Variants in NEMP2 observed in about 807,000 individuals in gnomAD.
NEMP2 encodes the protein UPF0571 transmembrane protein.
Under a neutral mutation model 54.2 loss-of-function variants are expected in NEMP2, and 53 were observed. That is an observed-to-expected ratio of 0.98 (90% CI 0.78 to 1.23). The LOEUF is 1.23. NEMP2 is among the 50% of genes most tolerant of loss of function. NEMP2 has a pLI of 0.00. For synonymous variants in NEMP2, 197 were observed against 190.3 expected (o/e 1.04, Z -0.29); for missense variants, 455 against 511.3 (o/e 0.89, Z 1.06).
the NEMP2 span, among the ~76,000 whole-genome samples, chr2:190,579,129 G>C: frequency 2.0e-5 from 3 of 151,958 alleles, no homozygotes; most frequent in Non-Finnish European, 4.4e-5. Flanking sequence ...GTCTTGGTTT[G>C]TGTGTGTGTG....
chr2:190,482,611 G>A, the NEMP2 span, among the ~76,000 whole-genome samples: 1 of 152,036 alleles, frequency 6.6e-6, no homozygotes, highest in South Asian at 2.1e-4. Context: ...CCATTATAAT[G>A]TGATTTCCCC....
the NEMP2 span, among the ~76,000 whole-genome samples, chr2:190,450,646 C>CTTGGGAGG: frequency 6.6e-6 from 1 of 151,880 alleles, no homozygotes; most frequent in Admixed American, 6.6e-5. Context: ...GCATGTGCCA[C>CTTGGGAGG]CATGCCCAGC....
the NEMP2 span, among the ~76,000 whole-genome samples, chr2:190,457,321 A>T: frequency 6.6e-6 from 1 of 152,072 alleles, no homozygotes; most frequent in South Asian, 2.1e-4. The surrounding 1 kb of genome is among the most constrained non-coding windows in gnomAD (Gnocchi z 5.1). Flanking sequence ...GGCTCCTTTC[A>T]GTTCTGACTC....
At chr2:190,618,730 T>A in the NEMP2 span, among the ~76,000 whole-genome samples, 4 of 152,134 alleles carry the variant, frequency 2.6e-5, no homozygotes, top group African/African-American at 9.7e-5. Flanking sequence ...CTGGCACGTT[T>A]CACCAAGCCC....
the NEMP2 span, among the ~76,000 whole-genome samples, chr2:190,495,107 A>G: frequency 5.9e-5 from 9 of 152,118 alleles, no homozygotes; most frequent in African/African-American, 2.2e-4. The surrounding 1 kb of genome is among the most constrained non-coding windows in gnomAD (Gnocchi z 4.7). Flanking sequence ...AACCCTAAAG[A>G]CTCCTCCTAA....
At chr2:190,609,476 A>G in the NEMP2 span, 2 of 152,070 alleles carry the variant, frequency 1.3e-5, no homozygotes, top group African/African-American at 4.8e-5. This position sits in a 1 kb window ranked among gnomAD's most constrained non-coding sequence, Gnocchi z 4.7. Flanking sequence ...GTTTAATCCT[A>G]AAAGGGTCCT....
At chr2:190,481,276 A>G in the NEMP2 span, among the ~76,000 whole-genome samples, 1 of 152,226 alleles carries the variant, frequency 6.6e-6, no homozygotes, top group African/African-American at 2.4e-5. Context: ...TACATCAGTT[A>G]TAGACTTTTT....
At position 190,515,968 on chromosome 2, in the gene NEMP2, G is replaced by A. The variant is rs542491867; in HGVS notation, c.727+302C>T. Among the ~76,000 whole-genome samples the A allele has an allele frequency of 1.6e-4, 25 of 152,224 alleles. No homozygotes were observed. The Middle Eastern group carries it at 0.01, about 62-fold the overall frequency. On this transcript the variant is annotated intron_variant, in intron 6 of 8. Transcript: ENST00000409150. ...ACATTACCAGTTAGATGTGGTTAGA[G>A]CTTAACCACAATTCAGAAGCATGTG... is the stretch of plus-strand genomic sequence containing the variant.
rs955747131 is a variant in NEMP2, at chr2:190,523,361, G to C, written c.213+1902C>G. Among the ~76,000 whole-genome samples, 1 of 152,074 alleles carries C rather than the reference G, an allele frequency of 6.6e-6. No individual in the cohort carries two copies. The highest frequency in any genetic ancestry group is 2.1e-4 in the South Asian group (1 of 4,828). ...TCTGTAACTACTTTTAGTGTATTCT[G>C]GGATTAGGCAAATAAATAAATATAT... is the stretch of plus-strand genomic sequence containing the variant. On this transcript the variant is annotated intron_variant, in intron 2 of 8. Transcript: ENST00000409150. This position sits in a 1 kb window ranked among gnomAD's most constrained non-coding sequence, Gnocchi z 5.3.
the NEMP2 span, among the ~76,000 whole-genome samples, chr2:190,591,624 T>C: frequency 1.5e-4 from 23 of 152,182 alleles, no homozygotes; most frequent in Admixed American, 5.2e-4. This position sits in a 1 kb window ranked among gnomAD's most constrained non-coding sequence, Gnocchi z 5.4. Context: ...TTCATACTAG[T>C]CAATATGTGA....
At chr2:190,564,557 A>C in the NEMP2 span, among the ~76,000 whole-genome samples, 2 of 152,244 alleles carry the variant, frequency 1.3e-5, no homozygotes, top group East Asian at 1.9e-4. This position sits in a 1 kb window ranked among gnomAD's most constrained non-coding sequence, Gnocchi z 4.2. Context: ...ATTTAATCTT[A>C]AAGCTCTTAA....
At chr2:190,518,085 T>C (rs998603818) in intron 4 of NEMP2, among the ~76,000 whole-genome samples, 2 of 152,102 alleles carry the variant, frequency 1.3e-5, no homozygotes, top group African/African-American at 4.8e-5. Flanking sequence ...GGTAATACTA[T>C]AAGGAAAAGC....
At position 190,509,550 on chromosome 2, in the gene NEMP2, G is replaced by A. The variant is rs1322312954; in HGVS notation, c.1131-238C>T. Among the ~76,000 whole-genome samples, 1 of 152,120 alleles carries A rather than the reference G, an allele frequency of 6.6e-6. No homozygotes were observed. The highest frequency in any genetic ancestry group is 1.5e-5 in the Non-Finnish European group (1 of 68,024). ...TATATAAGCACTAAGTAAGCCAAAT[G>A]TACTCACTCCTGTTTTCTAATTCCT... On this transcript the variant is annotated intron_variant, in intron 8 of 8. Coordinates refer to ENST00000409150, the MANE Select transcript of NEMP2 (RefSeq NM_001142645.2). This position sits in a 1 kb window ranked among gnomAD's most constrained non-coding sequence, Gnocchi z 6.1.
chr2:190,631,537 A>C, the NEMP2 span, among the ~76,000 whole-genome samples: 2 of 152,234 alleles, frequency 1.3e-5, no homozygotes, highest in Non-Finnish European at 2.9e-5. Flanking sequence ...TTTTAAAGCT[A>C]ATTTGGTAAT....
At chr2:190,609,893 TGCAACA>T in the NEMP2 span, 1 of 152,188 alleles carries the variant, frequency 6.6e-6, no homozygotes, top group Non-Finnish European at 1.5e-5. The surrounding 1 kb of genome is among the most constrained non-coding windows in gnomAD (Gnocchi z 4.7). Context: ...TAGAATAGTA[TGCAACA>T]GCAACACATA....
the NEMP2 span, among the ~76,000 whole-genome samples, chr2:190,432,503 G>A: frequency 6.6e-6 from 1 of 152,040 alleles, no homozygotes; most frequent in Admixed American, 6.6e-5. Flanking sequence ...TGCAACCTCC[G>A]GCTCCTGGGT....
chr2:190,539,345 A>G (rs1246993260), upstream of NEMP2, among the ~76,000 whole-genome samples: 2 of 152,128 alleles, frequency 1.3e-5, no homozygotes, highest in Non-Finnish European at 2.9e-5. This position sits in a 1 kb window ranked among gnomAD's most constrained non-coding sequence, Gnocchi z 4.1. Context: ...TGTTTTGGTT[A>G]CTATAGCTTT....
the NEMP2 span, among the ~76,000 whole-genome samples, chr2:190,492,440 G>C: frequency 2.0e-5 from 3 of 152,172 alleles, no homozygotes; most frequent in Non-Finnish European, 2.9e-5. This position sits in a 1 kb window ranked among gnomAD's most constrained non-coding sequence, Gnocchi z 5.2. Flanking sequence ...CAGATTAACA[G>C]CAGATTTCTC....
chr2:190,487,821 A>G, the NEMP2 span, among the ~76,000 whole-genome samples: 16 of 152,330 alleles, frequency 1.1e-4, no homozygotes, highest in East Asian at 2.3e-3. The surrounding 1 kb of genome is among the most constrained non-coding windows in gnomAD (Gnocchi z 5.5). Context: ...GCTACTTTGG[A>G]AAAAAGGTAG....
Sources: allele counts gnomAD v4.1 joint callset (sites outside exome capture counted in the v4.1 genomes callset), GRCh38; gene constraint gnomAD v4.1.1; non-coding constraint Gnocchi (gnomAD v3.1); transcripts MANE v1.5; gene names NCBI Gene and HGNC (gene_info 2026-07-23, HGNC 2026-07-21).